The following ZNF556 variants were observed in gnomAD, a reference collection of about 807,000 sequenced individuals.
ZNF556 encodes zinc finger protein 556.
In ZNF556, 11 loss-of-function variants were observed where a neutral mutation model predicts 13.6. The observed-to-expected ratio is 0.81, with a 90% CI of 0.51 to 1.33. ZNF556 has a LOEUF of 1.33. Ranked by LOEUF, ZNF556 falls within the 40% of genes most tolerant of loss-of-function variation. The pLI, the probability that ZNF556 is intolerant of heterozygous loss-of-function variation, is 0.00. For missense variants in ZNF556, 633 were observed against 566.2 expected (o/e 1.12, Z -1.20); for synonymous variants, 229 against 207.8 (o/e 1.10, Z -0.88).
intron 1 of ZNF556, among the ~76,000 whole-genome samples, 157 bp from the exon 2 acceptor site, chr19:2,873,339 G>A (rs556698461): frequency 6.6e-6 from 1 of 152,310 alleles, no homozygotes; most frequent in Non-Finnish European, 1.5e-5. Context: ...GACACAGGAA[G>A]TGATTACAGA....
chr19:2,868,177 G>C (rs1282349289), intron 1 of ZNF556, among the ~76,000 whole-genome samples: 1 of 151,344 alleles, frequency 6.6e-6, no homozygotes, highest in African/African-American at 2.4e-5. Context: ...TTTATTTTCG[G>C]TGATGACAAA....
intron 1 of ZNF556, among the ~76,000 whole-genome samples, chr19:2,870,025 G>T (rs2087789372): frequency 6.6e-6 from 1 of 151,988 alleles, no homozygotes; most frequent in African/African-American, 2.4e-5. Flanking sequence ...CCTAACCTCT[G>T]GCTGTTTCTC....
At chr19:2,873,439 T>C in intron 1 of ZNF556, 57 bp from the exon 2 acceptor site, 1 of 1,599,048 alleles carries the variant, frequency 6.3e-7, no homozygotes. Flanking sequence ...TGAGTTCAGT[T>C]CCGCAGTGCT....
chr19:2,873,365 C>T, intron 1 of ZNF556, 131 bp from the exon 2 acceptor site: 1 of 1,094,218 alleles, frequency 9.1e-7, no homozygotes, highest in East Asian at 2.4e-5. Context: ...GGGAAGAGGT[C>T]TGAGGACTGA....
chr19:2,876,556 C>A (rs2087854408), intron 3 of ZNF556, among the ~76,000 whole-genome samples: 1 of 151,992 alleles, frequency 6.6e-6, no homozygotes, highest in South Asian at 2.1e-4. Context: ...CCTGTCTCTA[C>A]TAAAAATACA....
chr19:2,876,120 G>C lies in ZNF556; in HGVS notation c.158G>C (p.Gly53Ala), dbSNP rs761301020. 1 of 1,610,064 alleles carries C rather than the reference G, an allele frequency of 6.2e-7. No homozygotes were observed. Among genetic ancestry groups the C allele is most frequent in the Non-Finnish European group, 8.5e-7 (1 of 1,178,984 alleles). Residue 53 changes from glycine to alanine, a missense_variant, in exon 3 of 4, where the codon GGG becomes GCG. By Grantham distance (60) the Gly-to-Ala change is moderately conservative. Coordinates refer to ENST00000307635, the MANE Select transcript of ZNF556 (RefSeq NM_024967.3). ...VDNEAQLKAS[G>A]SISQQDTSGE... ...AATGAGGCTCAGCTTAAAGCCAGTG[G>C]GTCTATTTCTCAGCAGGATACTTCT...
chr19:2,873,709 T>C, intron 2 of ZNF556, 87 bp downstream of exon 2: 3 of 1,467,620 alleles, frequency 2.0e-6, no homozygotes, highest in East Asian at 2.3e-5. Flanking sequence ...TTCCCAGTGC[T>C]TTAGGAGGCT....
At position 2,876,127 on chromosome 19, in the gene ZNF556, T is replaced by A; in HGVS notation, c.165T>A (p.Ile55=). The change falls in exon 3 of 4, where the codon ATT becomes ATA. Residue 55 remains isoleucine (I), a synonymous_variant. Coordinates refer to ENST00000307635, the MANE Select transcript of ZNF556 (RefSeq NM_024967.3). ...CTCAGCTTAAAGCCAGTGGGTCTAT[T>A]TCTCAGCAGGATACTTCTGGAGAAA... ...NEAQLKASGS[I]SQQDTSGEKL... The A allele has an allele frequency of 6.2e-7, 1 of 1,612,278 alleles. No homozygotes were observed. Among genetic ancestry groups the A allele is most frequent in the Non-Finnish European group, 8.5e-7 (1 of 1,179,576 alleles).
In ZNF556 at chr19:2,870,971, G is replaced by A. The variant is rs562617318; in HGVS notation, c.4-2525G>A. ...GGAGGATCACTTGAACCTTGGAGGT[G>A]GAGGTTGCAGTGAGCCGAGATCGCA... is the stretch of plus-strand genomic sequence containing the variant. On this transcript the variant is annotated intron_variant, in intron 1 of 3. Transcript: ENST00000307635. 1.4e-4 allele frequency among the ~76,000 whole-genome samples: 21 copies of A among 151,816 alleles called. No individual in the cohort carries two copies. The South Asian group carries it at 1.7e-3, about 12-fold the overall frequency.
chr19:2,877,281 C>T lies in ZNF556; in HGVS notation c.323C>T (p.Pro108Leu). The T allele has an allele frequency of 1.3e-6, 2 of 1,599,772 alleles. No homozygotes were observed. Among genetic ancestry groups the T allele is most frequent in the Non-Finnish European group, 8.5e-7 (1 of 1,172,814 alleles). ...NTKERHLSRN[P>L]RVERPCKSSK... ...GTGCTACCCATTTTTAGCAGAAATC[C>T]AAGGGTGGAGAGACCATGTAAAAGC... Residue 108 changes from proline to leucine, a missense_variant, in exon 4 of 4, where the codon CCA (proline) becomes CTA (leucine). Pro to Leu is a moderately conservative substitution (Grantham distance 98). Transcript: ENST00000307635.
rs1286471695 is a variant in ZNF556, at chr19:2,882,538, G to A, written c.*4209G>A. ...TTATATATATATATATATAGTGTGT[G>A]TGTGTGTGTGTGTGTGTGTGTGTGT... On this transcript the variant is annotated 3_prime_UTR_variant, in exon 4 of 4. Coordinates refer to ENST00000307635, the MANE Select transcript of ZNF556 (RefSeq NM_024967.3). 1 of 148,742 alleles carries A rather than the reference G, an allele frequency of 6.7e-6. No individual in the cohort carries two copies. Among genetic ancestry groups the A allele is most frequent in the African/African-American group, 2.5e-5 (1 of 39,240 alleles). The allele number at this position is 148,742 out of a possible 1,614,324, so 9.2% of individuals were successfully genotyped here. A position where few individuals can be genotyped will look rare whatever the true frequency, so the allele number is the denominator to read the frequency against.
At chr19:2,871,679 A>G (rs1371532291) in intron 1 of ZNF556, among the ~76,000 whole-genome samples, 1 of 152,156 alleles carries the variant, frequency 6.6e-6, no homozygotes, top group Non-Finnish European at 1.5e-5. Context: ...GGGCATGTAT[A>G]GGGACCAGCC....
rs57053138 is a variant in ZNF556 at position 2,882,531 on chromosome 19, A to ATATATAGT, written c.*4202_*4203insTATATAGT. 12 of 127,712 alleles carry ATATATAGT rather than the reference A, an allele frequency of 9.4e-5. No homozygotes were observed. The highest frequency in any genetic ancestry group is 3.0e-4 in the African/African-American group (10 of 32,932). 7.9% of individuals were successfully genotyped at this position (127,712 alleles called of 1,614,324 possible). A position where few individuals can be genotyped will look rare whatever the true frequency, so the allele number is the denominator to read the frequency against. On this transcript the variant is annotated 3_prime_UTR_variant, in exon 4 of 4. Transcript: ENST00000307635. ...ATACATTTTATATATATATATATAT[A>ATATATAGT]GTGTGTGTGTGTGTGTGTGTGTGTG...
Position 2,877,511 on chromosome 19 carries a change from A to T in ZNF556, c.553A>T (p.Ser185Cys), listed in dbSNP as rs572816480. The T allele has an allele frequency of 1.3e-4, 212 of 1,614,188 alleles. 2 individuals carry two copies. In the East Asian group the frequency reaches 4.7e-3, roughly 35 times the overall value. Residue 185 changes from serine to cysteine, a missense_variant, in exon 4 of 4, where the codon AGT (serine) becomes TGT (cysteine). Transcript: ENST00000307635. The part of the protein sequence containing the change: ...YKCKECGKAF[S>C]RPSYLQTHEK... ...ATGTAAGGAATGTGGGAAAGCCTTC[A>T]GTCGCCCTTCCTACCTACAGACGCA...
At chr19:2,868,714 C>T (rs1453339539) in intron 1 of ZNF556, among the ~76,000 whole-genome samples, 1 of 123,538 alleles carries the variant, frequency 8.1e-6, no homozygotes, top group African/African-American at 3.3e-5. Flanking sequence ...GCCACCATGA[C>T]TAGCTAATTT....
At chr19:2,873,328 C>G (rs192246122) in intron 1 of ZNF556, among the ~76,000 whole-genome samples, 168 bp from the exon 2 acceptor site, 1 of 152,124 alleles carries the variant, frequency 6.6e-6, no homozygotes, top group African/African-American at 2.4e-5. Context: ...AAAAAACCTA[C>G]GACACAGGAA....
At position 2,877,706 on chromosome 19, in the gene ZNF556, G is replaced by T. The variant is rs747910751; in HGVS notation, c.748G>T (p.Val250Leu). The change falls in exon 4 of 4, where the codon GTG becomes TTG. Residue 250 changes from valine (V) to leucine (L), a missense_variant. Coordinates refer to ENST00000307635, the MANE Select transcript of ZNF556 (RefSeq NM_024967.3). ...FSCPKSFRAH[V>L]MMHAGGRPYE... ...TTGTCCCAAATCCTTTCGCGCACATGTGATGATGCACGCCGGAGGGAGACC... is the reference window on the plus strand; with the variant it reads ...TTGTCCCAAATCCTTTCGCGCACATTTGATGATGCACGCCGGAGGGAGACC... 65 of 1,614,086 alleles carry T rather than the reference G, an allele frequency of 4.0e-5. No homozygotes were observed. Among genetic ancestry groups the T allele is most frequent in the Non-Finnish European group, 5.3e-5 (62 of 1,180,018 alleles).
At chr19:2,867,722 AAC>A (rs757286878) in intron 1 of ZNF556, among the ~76,000 whole-genome samples, 2 of 147,018 alleles carry the variant, frequency 1.4e-5, no homozygotes, top group African/African-American at 2.6e-5. Flanking sequence ...CAAAAAACAA[AAC>A]AAAAAAAAAA....
Position 2,877,703 on chromosome 19 carries a change from CAT to C in ZNF556, c.746_747del (p.His249ArgfsTer11), listed in dbSNP as rs777771088. On this transcript the variant is annotated frameshift_variant, in exon 4 of 4. Transcript: ENST00000307635. LOFTEE classifies it low-confidence loss of function (END_TRUNC). The part of the protein sequence containing the change: ...GFSCPKSFRA[H>X]VMMHAGGRPY... ...CAGTTGTCCCAAATCCTTTCGCGCACATGTGATGATGCACGCCGGAGGGAGAC... is the reference window on the plus strand; with the variant it reads ...CAGTTGTCCCAAATCCTTTCGCGCACGTGATGATGCACGCCGGAGGGAGAC... 3.7e-6 allele frequency: 6 copies of C among 1,614,150 alleles called. No homozygotes were observed. The highest frequency in any genetic ancestry group is 5.1e-6 in the Non-Finnish European group (6 of 1,180,026).
Sources: gnomAD v4.1 joint callset for allele counts (sites outside exome capture counted in the v4.1 genomes callset) on GRCh38, gnomAD v4.1.1 for gene constraint, MANE v1.5 for transcripts, NCBI Gene and HGNC (gene_info 2026-07-23, HGNC 2026-07-21) for gene names.